Variants in DPYD observed in about 807,000 individuals in gnomAD.
DPYD encodes dihydropyrimidine dehydrogenase [NADP(+)].
DPYD carries 109 observed loss-of-function variants against 116.2 expected under a neutral mutation model. That is an observed-to-expected ratio of 0.94 (90% CI 0.80 to 1.10). The LOEUF is 1.10. Among genes scored for constraint, DPYD ranks in the 50% least tolerant of loss-of-function variants. The probability of loss-of-function intolerance (pLI) is 0.00; values close to 1 mark genes in which losing one functional copy is unlikely to be tolerated. For synonymous variants in DPYD, 440 were observed against 432.0 expected, an observed-to-expected ratio of 1.02 and a Z score of -0.23; for missense variants, 1,302 against 1,254.5, an observed-to-expected ratio of 1.04 and a Z score of -0.57.
intron 20 of DPYD, among the ~76,000 whole-genome samples, chr1:97,174,496 G>A (rs1194302916): frequency 1.3e-5 from 2 of 152,176 alleles, no homozygotes; most frequent in Non-Finnish European, 2.9e-5. Flanking sequence ...CAAGTTGGCA[G>A]AGTGAAATGC....
At chr1:97,415,050 C>G (rs928681900) in intron 14 of DPYD, among the ~76,000 whole-genome samples, 3 of 151,988 alleles carry the variant, frequency 2.0e-5, no homozygotes, top group African/African-American at 7.3e-5. Context: ...ATGAAGCTAC[C>G]CTTCCTAAAG....
chr1:97,102,632 T>C (rs1052661001), intron 20 of DPYD, among the ~76,000 whole-genome samples: 12 of 151,644 alleles, frequency 7.9e-5, no homozygotes, highest in Admixed American at 4.6e-4. Flanking sequence ...CATAGCTCTA[T>C]TATTTATCAG....
intron 8 of DPYD, among the ~76,000 whole-genome samples, chr1:97,653,104 C>T (rs369571390): frequency 6.6e-6 from 1 of 152,082 alleles, no homozygotes; most frequent in Non-Finnish European, 1.5e-5. Flanking sequence ...TCCCTTTGTA[C>T]GTCACTACAA....
intron 12 of DPYD, among the ~76,000 whole-genome samples, chr1:97,527,180 G>A (rs950009773): frequency 4.6e-5 from 7 of 151,492 alleles, no homozygotes; most frequent in South Asian, 2.1e-4. Context: ...CCGGGTTCAC[G>A]CCATTTTCCT....
intron 12 of DPYD, chr1:97,545,762 C>T: frequency 2.6e-6 from 4 of 1,549,852 alleles, no homozygotes; most frequent in Non-Finnish European, 3.5e-6. Flanking sequence ...CCAACTTTGG[C>T]ATCCCTAGAA....
intron 18 of DPYD, among the ~76,000 whole-genome samples, chr1:97,297,827 C>T (rs1158793804): frequency 6.6e-6 from 1 of 152,180 alleles, no homozygotes; most frequent in East Asian, 1.9e-4. Flanking sequence ...ATTTCACAAT[C>T]GAGAACGTAA....
intron 13 of DPYD, among the ~76,000 whole-genome samples, chr1:97,475,636 T>C (rs964705917): frequency 1.6e-4 from 24 of 152,156 alleles, no homozygotes; most frequent in African/African-American, 5.8e-4. Context: ...GATCTGTCTG[T>C]CACATCTACT....
chr1:97,590,319 C>T (rs751983220), intron 10 of DPYD, among the ~76,000 whole-genome samples: 1 of 152,152 alleles, frequency 6.6e-6, no homozygotes, highest in South Asian at 2.1e-4. Context: ...CTTCAAAGGC[C>T]TACTGTTATA....
intron 1 of DPYD, among the ~76,000 whole-genome samples, chr1:97,888,969 C>A (rs1479895464): frequency 6.6e-6 from 1 of 151,912 alleles, no homozygotes; most frequent in African/African-American, 2.4e-5. Context: ...CCAGCCTGGC[C>A]AACATGGTGA....
intron 13 of DPYD, among the ~76,000 whole-genome samples, chr1:97,510,962 G>A (rs1442477586): frequency 2.6e-5 from 4 of 151,794 alleles, no homozygotes; most frequent in African/African-American, 9.7e-5. Context: ...AGCCATCTCC[G>A]CAATTATAGC....
At chr1:97,467,877 A>T (rs1055648615) in intron 13 of DPYD, among the ~76,000 whole-genome samples, 1 of 152,156 alleles carries the variant, frequency 6.6e-6, no homozygotes, top group African/African-American at 2.4e-5. Context: ...ACTGAACAAG[A>T]TTTTTCTGGA....
chr1:97,825,707 C>T (rs139077885), intron 3 of DPYD, among the ~76,000 whole-genome samples: 93 of 151,304 alleles, frequency 6.1e-4, no homozygotes, highest in Middle Eastern at 3.4e-3. Flanking sequence ...ACCAACATGG[C>T]GCATGTATAC....
chr1:97,371,498 G>A (rs1237768563), intron 16 of DPYD, among the ~76,000 whole-genome samples: 1 of 152,170 alleles, frequency 6.6e-6, no homozygotes, highest in African/African-American at 2.4e-5. Context: ...GAGAGGTAAA[G>A]GGAGAAGCAA....
chr1:97,420,953 CTATT>C (rs528640912), intron 14 of DPYD, among the ~76,000 whole-genome samples: 145 of 152,296 alleles, frequency 9.5e-4, no homozygotes, highest in African/African-American at 3.4e-3. Context: ...TTTTCTGAAA[CTATT>C]TAGTTGCTGC....
chr1:97,902,987 T>C (rs1195443113), intron 1 of DPYD, among the ~76,000 whole-genome samples: 2 of 151,880 alleles, frequency 1.3e-5, no homozygotes, highest in Non-Finnish European at 2.9e-5. Context: ...ATAAACATTA[T>C]TCCAAAGGAT....
At chr1:97,529,381 C>A (rs536119154) in intron 12 of DPYD, among the ~76,000 whole-genome samples, 1 of 152,168 alleles carries the variant, frequency 6.6e-6, no homozygotes, top group Admixed American at 6.5e-5. Flanking sequence ...AAAAAGTAGT[C>A]TATTTTATTT....
intron 20 of DPYD, among the ~76,000 whole-genome samples, chr1:97,151,312 A>G (rs766816782): frequency 1.3e-5 from 2 of 152,206 alleles, no homozygotes; most frequent in Non-Finnish European, 2.9e-5. Flanking sequence ...TGTGAAGTCA[A>G]CTGGGAAGAC....
At chr1:97,325,120 A>G (rs995481691) in intron 16 of DPYD, among the ~76,000 whole-genome samples, 1 of 152,074 alleles carries the variant, frequency 6.6e-6, no homozygotes. Flanking sequence ...ATGGGTATTT[A>G]CTTTTGCAAT....
At chr1:97,532,924 G>T (rs982637337) in intron 12 of DPYD, among the ~76,000 whole-genome samples, 147 of 130,142 alleles carry the variant, frequency 1.1e-3, no homozygotes, top group East Asian at 2.3e-3. Context: ...TTTTTTTTTT[G>T]TTGTTGTTGT....
Sources: allele counts gnomAD v4.1 joint callset (sites outside exome capture counted in the v4.1 genomes callset), GRCh38; gene constraint gnomAD v4.1.1; transcripts MANE v1.5; gene names NCBI Gene and HGNC (gene_info 2026-07-23, HGNC 2026-07-21).